VPS13A: variants seen among roughly 807,000 people sequenced by gnomAD.
VPS13A encodes vacuolar protein sorting 13 homolog A.
In VPS13A, 264 loss-of-function variants were observed where a neutral mutation model predicts 390.9. The observed-to-expected ratio is 0.68, with a 90% CI of 0.61 to 0.75. The LOEUF (loss-of-function observed/expected upper bound fraction) is 0.75, where lower values mean the gene tolerates loss of function less well. Ranked by LOEUF, VPS13A falls within the 30% of genes least tolerant of loss-of-function variation. The probability of loss-of-function intolerance (pLI) is 0.00; values close to 1 mark genes in which losing one functional copy is unlikely to be tolerated. For missense variants in VPS13A, 3,409 were observed against 3,733.9 expected, an observed-to-expected ratio of 0.91 and a Z score of 2.27; for synonymous variants, 1,231 against 1,227.1, an observed-to-expected ratio of 1.00 and a Z score of -0.07.
intron 68 of VPS13A, chr9:77,382,422 T>TA: frequency 7.0e-7 from 1 of 1,420,500 alleles, no homozygotes; most frequent in Non-Finnish European, 9.2e-7. Flanking sequence ...TGGTAACTTT[T>TA]AATAGGAATT....
intron 36 of VPS13A, 74 bp downstream of exon 36, chr9:77,314,193 A>T: frequency 6.0e-6 from 9 of 1,506,682 alleles, no homozygotes; most frequent in Non-Finnish European, 8.2e-6. Flanking sequence ...AAAGTAACAA[A>T]TGTTAATATT....
intron 65 of VPS13A, 21 bp downstream of exon 65, chr9:77,370,599 G>T (rs371586505): frequency 8.1e-6 from 13 of 1,613,768 alleles, no homozygotes; most frequent in African/African-American, 4.0e-5. Flanking sequence ...TCACAGGGTT[G>T]TGAAGATTTT....
rs117255401 is a variant in VPS13A, at chr9:77,376,720, G to A, written c.9078-5256G>A. Among the ~76,000 whole-genome samples, 1,287 of 152,248 alleles carry A rather than the reference G, an allele frequency of 8.5e-3. 8 individuals are homozygous for A. The highest frequency in any genetic ancestry group is 0.014 in the Non-Finnish European group (951 of 68,006). On this transcript the variant is annotated intron_variant, in intron 67 of 71. Coordinates refer to ENST00000360280, the MANE Select transcript of VPS13A (RefSeq NM_033305.3). ...GACATCACGTTATTGTTGAGTAGAG[G>A]AGTTTGAAGTATAGAGAAAGGTCCA...
At chr9:77,291,323 T>C (rs969662019) in intron 31 of VPS13A, among the ~76,000 whole-genome samples, 1 of 152,150 alleles carries the variant, frequency 6.6e-6, no homozygotes, top group Non-Finnish European at 1.5e-5. Flanking sequence ...GCCCCACTTT[T>C]GTGGAAAAAT....
Position 77,369,420 on chromosome 9 carries a change from A to G in VPS13A, c.8667+8A>G. 1.3e-6 allele frequency: 2 copies of G among 1,549,430 alleles called. No individual in the cohort carries two copies. Among genetic ancestry groups the G allele is most frequent in the Non-Finnish European group, 1.8e-6 (2 of 1,121,254 alleles). ...TTTTATGAACCTTACCAGGTAAAAT[A>G]GTTATTTTTGTGGTTGTGCAATATG... On this transcript the variant is annotated splice_region_variant and intron_variant, in intron 63 of 71. Transcript: ENST00000360280.
Position 77,339,740 on chromosome 9 carries a change from T to A in VPS13A, c.6603T>A (p.Thr2201=). 1 of 1,614,116 alleles carries A rather than the reference T, an allele frequency of 6.2e-7. No individual in the cohort carries two copies. The highest frequency in any genetic ancestry group is 8.5e-7 in the Non-Finnish European group (1 of 1,179,996). The part of the protein sequence containing the change: ...KTDLDIAVHM[T]YNTGQTVVAF... ...ATTTAGATATTGCTGTCCATATGAC[T>A]TACAATACTGGTCAGACAGTTGTGG... Residue 2201 remains threonine, a synonymous_variant, in exon 48 of 72, where the codon ACT becomes ACA. Transcript: ENST00000360280.
intron 4 of VPS13A, 32 bp from the exon 5 acceptor site, chr9:77,205,946 G>C (rs760294352): frequency 7.0e-7 from 1 of 1,430,552 alleles, no homozygotes; most frequent in South Asian, 1.3e-5. Flanking sequence ...ATTTAAGGTA[G>C]TTATGATTCT....
chr9:77,181,627 T>G (rs1179983320), intron 1 of VPS13A, among the ~76,000 whole-genome samples: 2 of 152,130 alleles, frequency 1.3e-5, no homozygotes, highest in Non-Finnish European at 2.9e-5. Context: ...GTGCTTTTGC[T>G]AGGCTTCTGA....
intron 53 of VPS13A, among the ~76,000 whole-genome samples, chr9:77,353,077 G>A (rs1299603320): frequency 6.6e-6 from 1 of 151,982 alleles, no homozygotes. Context: ...ATATCACATT[G>A]CTGTAGTCTT....
intron 7 of VPS13A, among the ~76,000 whole-genome samples, chr9:77,212,270 TTC>T (rs1243714800): frequency 6.6e-6 from 1 of 152,182 alleles, no homozygotes; most frequent in African/African-American, 2.4e-5. Flanking sequence ...TTTACTTTTT[TTC>T]TCTGTCTGTT....
At chr9:77,367,143 G>A (rs1218881686) in intron 61 of VPS13A, among the ~76,000 whole-genome samples, 1 of 152,142 alleles carries the variant, frequency 6.6e-6, no homozygotes, top group African/African-American at 2.4e-5. Flanking sequence ...TCTGGCTTAG[G>A]GAAGGATAGG....
At chr9:77,268,783 T>C (rs752832694) in intron 23 of VPS13A, among the ~76,000 whole-genome samples, 7 of 151,916 alleles carry the variant, frequency 4.6e-5, no homozygotes, top group Non-Finnish European at 8.8e-5. Context: ...GTACTAAAAA[T>C]ATAAAAATTA....
chr9:77,201,548 TTTG>T (rs1825330837), intron 3 of VPS13A, 141 bp downstream of exon 3: 1 of 812,330 alleles, frequency 1.2e-6, no homozygotes. Context: ...TCAGTAGAGC[TTTG>T]TTGTGCAACT....
intron 32 of VPS13A, among the ~76,000 whole-genome samples, chr9:77,294,414 A>G (rs1305422432): frequency 6.6e-6 from 1 of 152,018 alleles, no homozygotes; most frequent in East Asian, 1.9e-4. Flanking sequence ...CTATCTCCAT[A>G]ACATCACTAT....
At chr9:77,294,776 C>T (rs1587513206) in intron 32 of VPS13A, among the ~76,000 whole-genome samples, 1 of 152,170 alleles carries the variant, frequency 6.6e-6, no homozygotes, top group Non-Finnish European at 1.5e-5. Context: ...GTGCTCCTAG[C>T]TCACTGCAGC....
chr9:77,205,443 ATTC>A lies in VPS13A; in HGVS notation c.283+38_283+40del, dbSNP rs771389001. 2.8e-5 allele frequency: 28 copies of A among 1,009,684 alleles called. No homozygotes were observed. In the Admixed American group the frequency reaches 5.4e-4, roughly 19 times the overall value. The allele number at this position is 1,009,684 out of a possible 1,614,324, so 62.5% of individuals were successfully genotyped here. A position where few individuals can be genotyped will look rare whatever the true frequency, so the allele number is the denominator to read the frequency against. On this transcript the variant is annotated intron_variant, in intron 4 of 71. Transcript: ENST00000360280. ...ATTTAAAAAAATTATAATTTAAGTTATTCTTTTTTATGGATGGAAAAATATTTA... is the reference window on the plus strand; with the variant it reads ...ATTTAAAAAAATTATAATTTAAGTTATTTTTTATGGATGGAAAAATATTTA...
rs2131123180 is a variant in VPS13A, at chr9:77,205,371, A to G, written c.246A>G (p.Val82=). The change falls in exon 4 of 72, where the codon GTA becomes GTG. Residue 82 remains valine (V), a synonymous_variant. Transcript: ENST00000360280. The part of the protein sequence containing the change: ...KNLYTQPVEA[V]LEEIYLLIVP... The stretch of plus-strand genomic sequence containing the variant: ...TTTATACTCAACCTGTTGAAGCCGT[A>G]TTGGAAGAAATTTATTTACTTATAG... 5 of 1,481,412 alleles carry G rather than the reference A, an allele frequency of 3.4e-6. No homozygotes were observed. The highest frequency in any genetic ancestry group is 3.6e-6 in the Non-Finnish European group (4 of 1,108,310). The allele number at this position is 1,481,412 out of a possible 1,614,324, so 91.8% of individuals were successfully genotyped here. A position where few individuals can be genotyped will look rare whatever the true frequency, so the allele number is the denominator to read the frequency against.
intron 58 of VPS13A, among the ~76,000 whole-genome samples, chr9:77,360,201 T>A (rs940745326): frequency 1.3e-5 from 2 of 152,162 alleles, no homozygotes; most frequent in Non-Finnish European, 2.9e-5. Flanking sequence ...CGGAAATAGA[T>A]GTTGGGACTT....
intron 39 of VPS13A, among the ~76,000 whole-genome samples, chr9:77,316,650 G>T (rs1257023332): frequency 6.6e-6 from 1 of 152,042 alleles, no homozygotes; most frequent in Non-Finnish European, 1.5e-5. Context: ...GGTTCATCTT[G>T]ACAGTTTTCA....
Sources: gnomAD v4.1 joint callset for allele counts (sites outside exome capture counted in the v4.1 genomes callset) on GRCh38, gnomAD v4.1.1 for gene constraint, MANE v1.5 for transcripts, NCBI Gene and HGNC (gene_info 2026-07-23, HGNC 2026-07-21) for gene names.